The following MAPK15 variants were observed in gnomAD, a reference collection of about 807,000 sequenced individuals.
MAPK15 encodes the protein mitogen-activated protein kinase 15.
In MAPK15, 61 loss-of-function variants were observed where a neutral mutation model predicts 60.8. That is an observed-to-expected ratio of 1.00 (90% CI 0.82 to 1.24). The LOEUF (loss-of-function observed/expected upper bound fraction) is 1.24. Ranked by LOEUF, MAPK15 falls within the 50% of genes most tolerant of loss-of-function variation. The pLI is 0.00. For synonymous variants in MAPK15, 356 were observed against 319.9 expected, an observed-to-expected ratio of 1.11 and a Z score of -1.21; for missense variants, 808 against 741.1, an observed-to-expected ratio of 1.09 and a Z score of -1.05.
chr8:143,719,129 CACCGGAGG>C lies in MAPK15; in HGVS notation c.555_562del (p.Pro186AlafsTer51). 1 of 1,555,442 alleles carries C rather than the reference CACCGGAGG, an allele frequency of 6.4e-7. No homozygotes were observed. Among genetic ancestry groups the C allele is most frequent in the Non-Finnish European group, 8.7e-7 (1 of 1,150,202 alleles). ...TACGTGGCCACACGCTGGTACCGAG[CACCGGAGG>C]TGCTGCTCTCTTCGCACCGGTAATA... On this transcript the variant is annotated frameshift_variant, in exon 6 of 14. Transcript: ENST00000338033. LOFTEE classifies it high-confidence loss of function.
chr8:143,721,473 C>A, intron 11 of MAPK15, 62 bp downstream of exon 11: 1 of 1,610,954 alleles, frequency 6.2e-7, no homozygotes, highest in South Asian at 1.1e-5. Context: ...GCCTGTGCTG[C>A]CAACTATGCG....
chr8:143,721,702 G>A, intron 12 of MAPK15, 29 bp downstream of exon 12: 3 of 1,612,224 alleles, frequency 1.9e-6, no homozygotes, highest in Non-Finnish European at 2.5e-6. Flanking sequence ...GGCACAGGAG[G>A]GACCCCTCCT....
At position 143,720,683 on chromosome 8, in the gene MAPK15, C is replaced by A; in HGVS notation, c.780-20C>A. On this transcript the variant is annotated intron_variant, in intron 8 of 13. Coordinates refer to ENST00000338033, the MANE Select transcript of MAPK15 (RefSeq NM_139021.3). This position sits in a 1 kb window ranked among gnomAD's most constrained non-coding sequence, Gnocchi z 4.6. ...GGGCCCTTGGGTCGGGCCCTGGAGA[C>A]GACACACGGCAGCCCACAGGCCACG... The A allele has an allele frequency of 6.2e-7, 1 of 1,603,442 alleles. No homozygotes were observed. Among genetic ancestry groups the A allele is most frequent in the South Asian group, 1.1e-5 (1 of 89,508 alleles).
At chr8:143,717,255 T>C (rs1186767814) in intron 1 of MAPK15, among the ~76,000 whole-genome samples, 1 of 152,042 alleles carries the variant, frequency 6.6e-6, no homozygotes, top group Admixed American at 6.5e-5. Flanking sequence ...GGGGTTAGCG[T>C]AGCCACGCAG....
chr8:143,721,557 C>G lies in MAPK15; in HGVS notation c.1213C>G (p.Arg405Gly). ...ACCCACTGACCCCACAGAGTCCCCC[C>G]GTGCAGCCAAGAACGTTCCCAGGCA... ...GHDPAEHESPRAAKNVPRQNS... is the reference protein window; with the variant it reads ...GHDPAEHESPGAAKNVPRQNS... Residue 405 changes from arginine (R) to glycine (G), a missense_variant, in exon 12 of 14, where the codon CGT becomes GGT. Coordinates refer to ENST00000338033, the MANE Select transcript of MAPK15 (RefSeq NM_139021.3). 4 of 1,613,794 alleles carry G rather than the reference C, an allele frequency of 2.5e-6. No homozygotes were observed. The highest frequency in any genetic ancestry group is 3.4e-6 in the Non-Finnish European group (4 of 1,179,852).
At chr8:143,717,914 C>T (rs1563748052) in intron 2 of MAPK15, 122 bp downstream of exon 2, 9 of 1,499,654 alleles carry the variant, frequency 6.0e-6, no homozygotes, top group South Asian at 2.3e-5. Flanking sequence ...TGGCCTGTCT[C>T]GGAACACTGC....
rs782114067 is a variant in MAPK15 at position 143,722,072 on chromosome 8, C to G, written c.1459-3C>G. On this transcript the variant is annotated splice_polypyrimidine_tract_variant and splice_region_variant and intron_variant, in intron 13 of 13. Transcript: ENST00000338033. Reference sequence around the variant, plus strand: ...CCTTTATGTGACCCTCAACTGTACACAGGTCCCTCCCCGGCTTCCTCCGGA... The same window carrying G: ...CCTTTATGTGACCCTCAACTGTACAGAGGTCCCTCCCCGGCTTCCTCCGGA... 1 of 1,611,862 alleles carries G rather than the reference C, an allele frequency of 6.2e-7. No individual in the cohort carries two copies. Among genetic ancestry groups the G allele is most frequent in the Admixed American group, 1.7e-5 (1 of 59,980 alleles).
Position 143,720,134 on chromosome 8 carries a change from G to T in MAPK15, c.722-96G>T. 1 of 1,509,206 alleles carries T rather than the reference G, an allele frequency of 6.6e-7. No homozygotes were observed. The allele number at this position is 1,509,206 out of a possible 1,614,324, so 93.5% of individuals were successfully genotyped here. A position where few individuals can be genotyped will look rare whatever the true frequency, so the allele number is the denominator to read the frequency against. On this transcript the variant is annotated intron_variant, in intron 7 of 13. Coordinates refer to ENST00000338033, the MANE Select transcript of MAPK15 (RefSeq NM_139021.3). The surrounding 1 kb of genome is among the most constrained non-coding windows in gnomAD (Gnocchi z 4.6). ...AGCAGAAACCCTGTAGAGAGGCTGT[G>T]CTCCCTGGGGCTGGAAGAGATGACT...
Position 143,721,782 on chromosome 8 carries a change from TC to T in MAPK15, c.1363del (p.Leu455Ter). On this transcript the variant is annotated frameshift_variant, in exon 13 of 14. Coordinates refer to ENST00000338033, the MANE Select transcript of MAPK15 (RefSeq NM_139021.3). LOFTEE classifies it high-confidence loss of function. The part of the protein sequence containing the change: ...VKPSGRGAAP[S>X]LTSQAAAQVA... Reference sequence around the variant, plus strand: ...GCCAAGCGGGAGGGGAGCTGCGCCCTCCCTGACCTCCCAGGCTGCGGCTCAG... The same window carrying T: ...GCCAAGCGGGAGGGGAGCTGCGCCCTCCTGACCTCCCAGGCTGCGGCTCAG... 6.2e-7 allele frequency: 1 copy of T among 1,613,230 alleles called. No homozygotes were observed. Among genetic ancestry groups the T allele is most frequent in the South Asian group, 1.1e-5 (1 of 91,060 alleles).
In MAPK15 at chr8:143,720,790, G is replaced by C; in HGVS notation, c.867G>C (p.Pro289=). The stretch of plus-strand genomic sequence containing the variant: ...TTAGGCGACTCCTGGTGTTCGCCCC[G>C]GACAAGCGGTTAAGCGCGACCCAGG... The part of the protein sequence containing the change: ...DLLRRLLVFA[P]DKRLSATQAL... The change falls in exon 9 of 14, where the codon CCG becomes CCC. Residue 289 remains proline, a synonymous_variant. Transcript: ENST00000338033. The surrounding 1 kb of genome is among the most constrained non-coding windows in gnomAD (Gnocchi z 4.6). 1.2e-6 allele frequency: 2 copies of C among 1,613,666 alleles called. No homozygotes were observed. Among genetic ancestry groups the C allele is most frequent in the South Asian group, 2.2e-5 (2 of 91,084 alleles).
rs1554619635 is a variant in MAPK15 at position 143,721,038 on chromosome 8, A to G, written c.956A>G (p.Asp319Gly). 6.2e-7 allele frequency: 1 copy of G among 1,611,866 alleles called. No homozygotes were observed. Among genetic ancestry groups the G allele is most frequent in the Admixed American group, 1.7e-5 (1 of 59,958 alleles). ...AGCGACGAGTGGGCACGAGAGGCAG[A>G]TGTGCGGCCCCGGGCACACGAAGGG... ...CPSDEWAREA[D>G]VRPRAHEGVQ... The change falls in exon 10 of 14, where the codon GAT (aspartate) becomes GGT (glycine). Residue 319 changes from aspartate (D) to glycine (G), a missense_variant. Physicochemically the swap from Asp to Gly is moderately conservative, Grantham distance 94. Transcript: ENST00000338033.
chr8:143,720,946 C>A lies in MAPK15; in HGVS notation c.918-54C>A. 2 of 1,581,032 alleles carry A rather than the reference C, an allele frequency of 1.3e-6. No individual in the cohort carries two copies. Among genetic ancestry groups the A allele is most frequent in the Non-Finnish European group, 1.7e-6 (2 of 1,162,742 alleles). ...CACAGCAGGGACCCTGCTGTGACGG[C>A]TTGAGGGGCTCCCTTGGCCGCAGCC... On this transcript the variant is annotated intron_variant, in intron 9 of 13. Coordinates refer to ENST00000338033, the MANE Select transcript of MAPK15 (RefSeq NM_139021.3). This position sits in a 1 kb window ranked among gnomAD's most constrained non-coding sequence, Gnocchi z 4.6.
intron 1 of MAPK15, 62 bp from the exon 2 acceptor site, chr8:143,717,632 A>G: frequency 7.2e-7 from 1 of 1,395,976 alleles, no homozygotes; most frequent in Non-Finnish European, 1.0e-6. Context: ...CTGTAGGGAC[A>G]ATCTGGGTGG....
chr8:143,721,025 G>T lies in MAPK15; in HGVS notation c.943G>T (p.Ala315Ser), dbSNP rs1006151943. 3 of 1,611,550 alleles carry T rather than the reference G, an allele frequency of 1.9e-6. No homozygotes were observed. The highest frequency in any genetic ancestry group is 2.5e-6 in the Non-Finnish European group (3 of 1,179,386). The change falls in exon 10 of 14, where the codon GCA becomes TCA. Residue 315 changes from alanine to serine, a missense_variant. By Grantham distance (99) the Ala-to-Ser change is moderately conservative. Coordinates refer to ENST00000338033, the MANE Select transcript of MAPK15 (RefSeq NM_139021.3). ...QRFHCPSDEW[A>S]READVRPRAH... ...GTTCCACTGCCCCAGCGACGAGTGG[G>T]CACGAGAGGCAGATGTGCGGCCCCG...
At chr8:143,718,672 C>A in intron 4 of MAPK15, 103 bp from the exon 5 acceptor site, 1 of 1,095,408 alleles carries the variant, frequency 9.1e-7, no homozygotes. Context: ...AGGCCGTGGG[C>A]TGGTTCAAAG....
At chr8:143,718,727 G>GGGCCCCCCCCCCCCCCCCCCCCCCC in intron 4 of MAPK15, 48 bp from the exon 5 acceptor site, 1 of 514,524 alleles carries the variant, frequency 1.9e-6, no homozygotes, top group Non-Finnish European at 3.2e-6. Flanking sequence ...CCCCCAGGTT[G>GGGCCCCCCCCCCCCCCCCCCCCCCC]CCCCCCCAGC....
Position 143,717,621 on chromosome 8 carries a change from T to C in MAPK15, c.67-73T>C, listed in dbSNP as rs373186003. The C allele has an allele frequency of 5.8e-3, 7,576 of 1,308,028 alleles. 36 individuals carry two copies. Among genetic ancestry groups the C allele is most frequent in the Non-Finnish European group, 7.7e-3 (7,113 of 925,560 alleles). The allele number at this position is 1,308,028 out of a possible 1,614,324, so 81.0% of individuals were successfully genotyped here. On this transcript the variant is annotated intron_variant, in intron 1 of 13. Coordinates refer to ENST00000338033, the MANE Select transcript of MAPK15 (RefSeq NM_139021.3). ...CAGGATGGGAAGGAGGAGCCTCATG[T>C]CTGTAGGGACAATCTGGGTGGGCAG...
chr8:143,717,714 G>A lies in MAPK15; in HGVS notation c.87G>A (p.Lys29=), dbSNP rs1817864405. The A allele has an allele frequency of 6.2e-7, 1 of 1,610,480 alleles. No individual in the cohort carries two copies. Among genetic ancestry groups the A allele is most frequent in the Non-Finnish European group, 8.5e-7 (1 of 1,178,766 alleles). ...CCCAGGCCTATGGCATTGTGTGGAAGGCAGTGGACCGGAGGACTGGTGAGG... is the reference window on the plus strand; with the variant it reads ...CCCAGGCCTATGGCATTGTGTGGAAAGCAGTGGACCGGAGGACTGGTGAGG... The part of the protein sequence containing the change: ...LGQGAYGIVW[K]AVDRRTGEVV... The change falls in exon 2 of 14, where the codon AAG becomes AAA. Residue 29 remains lysine (K), a synonymous_variant. Transcript: ENST00000338033.
In MAPK15 at chr8:143,722,318, T is replaced by C. The variant is rs782639214; in HGVS notation, c.*67T>C. 1 of 1,388,782 alleles carries C rather than the reference T, an allele frequency of 7.2e-7. No homozygotes were observed. Among genetic ancestry groups the C allele is most frequent in the Non-Finnish European group, 9.6e-7 (1 of 1,036,740 alleles). 86.0% of individuals were successfully genotyped at this position (1,388,782 alleles called of 1,614,324 possible). A position where few individuals can be genotyped will look rare whatever the true frequency, so the allele number is the denominator to read the frequency against. ...GCCCCTTCCCCAGACCCCTCTCCAG[T>C]CTCCTGCACCCCTTAGCCCTCCCTG... On this transcript the variant is annotated 3_prime_UTR_variant, in exon 14 of 14. Coordinates refer to ENST00000338033, the MANE Select transcript of MAPK15 (RefSeq NM_139021.3).
Sources: allele counts gnomAD v4.1 joint callset (sites outside exome capture counted in the v4.1 genomes callset), GRCh38; gene constraint gnomAD v4.1.1; non-coding constraint Gnocchi (gnomAD v3.1); transcripts MANE v1.5; gene names NCBI Gene and HGNC (gene_info 2026-07-23, HGNC 2026-07-21).